The following NARF variants were observed in gnomAD, a reference collection of about 807,000 sequenced individuals.
NARF encodes the protein iron-only hydrogenase-like protein 2.
In NARF, 41 loss-of-function variants were observed where a neutral mutation model predicts 48.0. That is an observed-to-expected ratio of 0.85 (90% CI 0.66 to 1.11). NARF has a LOEUF of 1.11. Among genes scored for constraint, NARF ranks in the 50% least tolerant of loss-of-function variants. The pLI is 0.00. For missense variants in NARF, 613 were observed against 590.2 expected (o/e 1.04, Z -0.40); for synonymous variants, 215 against 225.5 (o/e 0.95, Z 0.42).
intron 3 of NARF, chr17:82,468,408 A>T (rs550221568): frequency 4.8e-6 from 1 of 207,076 alleles, no homozygotes; most frequent in Non-Finnish European, 9.6e-6. Context: ...CGCAGTGGCT[A>T]TGGCTGTTCC....
chr17:82,486,343 G>C (rs8075548), intron 10 of NARF, among the ~76,000 whole-genome samples: 8 of 152,120 alleles, frequency 5.3e-5, no homozygotes, highest in Admixed American at 1.3e-4. Context: ...TGTGAGTCGG[G>C]GGGGGCACCA....
At chr17:82,483,656 G>A in intron 7 of NARF, 60 bp from the exon 8 acceptor site, 1 of 1,525,312 alleles carries the variant, frequency 6.6e-7, no homozygotes, top group Non-Finnish European at 9.1e-7. Flanking sequence ...CTCCTGCAGG[G>A]GAAGAAAAGT....
intron 2 of NARF, among the ~76,000 whole-genome samples, chr17:82,462,430 G>A (rs754097865): frequency 3.3e-5 from 5 of 152,216 alleles, no homozygotes; most frequent in Admixed American, 6.5e-5. Context: ...GACTTAAGCT[G>A]GCTAGAGTAG....
intron 4 of NARF, among the ~76,000 whole-genome samples, chr17:82,470,223 G>T (rs4789694): frequency 0.23 from 34,683 of 152,022 alleles, 4,652 homozygotes; most frequent in East Asian, 0.67. Context: ...AACAAGACCT[G>T]GTCATCTAGC....
chr17:82,488,147 TC>T lies in NARF; in HGVS notation c.1362del (p.Lys455SerfsTer35). ...SQERGTHSLDIKW is the reference protein window; with the variant it reads ...SQERGTHSLDXKW ...GAGCGTGGCACACACAGCCTGGACA[TC>T]AAGTGGTGAAGTCAGGCCAGGGCCT... On this transcript the variant is annotated frameshift_variant, in exon 11 of 11. Coordinates refer to ENST00000309794, the MANE Select transcript of NARF (RefSeq NM_012336.4). LOFTEE classifies it high-confidence loss of function. 1 of 1,613,690 alleles carries T rather than the reference TC, an allele frequency of 6.2e-7. No individual in the cohort carries two copies. The highest frequency in any genetic ancestry group is 1.7e-5 in the Admixed American group (1 of 60,008).
At chr17:82,480,930 CAAAAA>C (rs35163925) in intron 6 of NARF, 147 bp from the exon 7 acceptor site, 248 of 628,006 alleles carry the variant, frequency 3.9e-4, no homozygotes, top group Middle Eastern at 5.3e-4. Context: ...GACTCCATTT[CAAAAA>C]AAAAAAAAAA....
chr17:82,464,211 TG>T (rs2043506078), intron 2 of NARF, 75 bp from the exon 3 acceptor site: 4 of 1,536,106 alleles, frequency 2.6e-6, no homozygotes, highest in African/African-American at 1.4e-5. Context: ...ATTCTGTATA[TG>T]GGTGTTACCC....
chr17:82,480,964 G>T, intron 6 of NARF, 118 bp from the exon 7 acceptor site: 7 of 1,175,528 alleles, frequency 6.0e-6, no homozygotes, highest in African/African-American at 1.6e-5. Context: ...GCAGCATGCA[G>T]TGTCTGGAGG....
chr17:82,460,024 A>G lies in NARF; in HGVS notation c.60A>G (p.Gln20=), dbSNP rs148570791. ...GTAAGAAAACAAAAACTGATGACCA[A>G]GAGAATGTGTCAGCCGATGCACCGA... The part of the protein sequence containing the change: ...ECSKKTKTDD[Q]ENVSADAPSP... The change falls in exon 2 of 11, where the codon CAA becomes CAG. Residue 20 remains glutamine, a synonymous_variant. Coordinates refer to ENST00000309794, the MANE Select transcript of NARF (RefSeq NM_012336.4). The G allele has an allele frequency of 1.5e-4, 249 of 1,613,984 alleles. 1 individual carries two copies. The highest frequency in any genetic ancestry group is 2.9e-4 in the South Asian group (26 of 91,014).
At chr17:82,481,260 G>T in intron 7 of NARF, 49 bp downstream of exon 7, 1 of 1,607,932 alleles carries the variant, frequency 6.2e-7, no homozygotes. Context: ...ATCTCCTACT[G>T]GCCAGTACAC....
chr17:82,480,988 G>T, intron 6 of NARF, 94 bp from the exon 7 acceptor site: 2 of 1,502,168 alleles, frequency 1.3e-6, no homozygotes, highest in Non-Finnish European at 1.8e-6. Flanking sequence ...GCAGCAGGGG[G>T]CATTCGGTCT....
At chr17:82,476,725 G>A (rs2043840246) in intron 5 of NARF, 1 of 152,460 alleles carries the variant, frequency 6.6e-6, no homozygotes, top group Non-Finnish European at 1.5e-5. Context: ...TTACAGGCAT[G>A]AGCCACCACA....
chr17:82,464,482 G>A, intron 3 of NARF, 52 bp downstream of exon 3: 2 of 1,568,314 alleles, frequency 1.3e-6, no homozygotes, highest in Non-Finnish European at 1.7e-6. Context: ...TGGAGGAAGT[G>A]GAGGTGAGGC....
intron 3 of NARF, 44 bp downstream of exon 3, chr17:82,464,474 G>A: frequency 6.4e-7 from 1 of 1,573,898 alleles, no homozygotes; most frequent in Non-Finnish European, 8.6e-7. Context: ...AGCTGACCTG[G>A]AGGAAGTGGA....
intron 5 of NARF, chr17:82,477,493 G>A (rs1199869472): frequency 1.3e-5 from 2 of 151,894 alleles, no homozygotes; most frequent in Non-Finnish European, 2.9e-5. Flanking sequence ...GACAGAGCAA[G>A]ACTGTCTCAA....
intron 8 of NARF, chr17:82,483,998 T>C: frequency 1.8e-6 from 1 of 542,718 alleles, no homozygotes; most frequent in South Asian, 2.2e-5. Context: ...TTTGGCGGGC[T>C]TCCATGGTGT....
intron 6 of NARF, among the ~76,000 whole-genome samples, chr17:82,479,481 G>A (rs758456268): frequency 1.3e-5 from 2 of 152,152 alleles, no homozygotes; most frequent in African/African-American, 2.4e-5. Flanking sequence ...GCCTCGGCCC[G>A]TCGTGTTCTC....
At chr17:82,466,342 A>T (rs977612288) in intron 3 of NARF, among the ~76,000 whole-genome samples, 3 of 152,030 alleles carry the variant, frequency 2.0e-5, no homozygotes, top group Admixed American at 6.6e-5. Context: ...TTATTTAGAG[A>T]AGTTGGTTAC....
intron 5 of NARF, chr17:82,478,576 C>T (rs1331197444): frequency 1.6e-6 from 1 of 635,246 alleles, no homozygotes. Context: ...TGCAGGGATG[C>T]TCCCATTTCC....
Sources: allele counts gnomAD v4.1 joint callset (sites outside exome capture counted in the v4.1 genomes callset), GRCh38; gene constraint gnomAD v4.1.1; transcripts MANE v1.5; gene names NCBI Gene and HGNC (gene_info 2026-07-23, HGNC 2026-07-21).